Variants in ASXL3 observed in about 807,000 individuals in gnomAD.
ASXL3 encodes putative Polycomb group protein ASXL3.
In ASXL3, 34 loss-of-function variants were observed where a neutral mutation model predicts 170.6. That is an observed-to-expected ratio of 0.20 (90% CI 0.15 to 0.27). The LOEUF (loss-of-function observed/expected upper bound fraction) is 0.27, where lower values mean the gene tolerates loss of function less well. Among genes scored for constraint, ASXL3 ranks in the 10% least tolerant of loss-of-function variants. The probability of loss-of-function intolerance (pLI) is 1.00; values close to 1 mark genes in which losing one functional copy is unlikely to be tolerated. For synonymous variants in ASXL3, 1,002 were observed against 989.1 expected, an observed-to-expected ratio of 1.01 and a Z score of -0.24; for missense variants, 2,592 against 2,695.3, an observed-to-expected ratio of 0.96 and a Z score of 0.85.
intron 5 of ASXL3, among the ~76,000 whole-genome samples, chr18:33,662,004 T>C (rs2145233982): frequency 6.6e-6 from 1 of 152,292 alleles, no homozygotes; most frequent in African/African-American, 2.4e-5. Context: ...TTTGTGTGTC[T>C]ATTTATGATT....
chr18:33,648,208 A>AAAGATACG (rs1232925749), intron 4 of ASXL3, among the ~76,000 whole-genome samples: 1 of 152,136 alleles, frequency 6.6e-6, no homozygotes, highest in Non-Finnish European at 1.5e-5. Flanking sequence ...TAACTACGAA[A>AAAGATACG]AAGATACGAG....
rs1347276724 is a variant in ASXL3 at position 33,748,407 on chromosome 18, C to CT, written c.*1815dup. On this transcript the variant is annotated 3_prime_UTR_variant, in exon 12 of 12. Transcript: ENST00000269197. The stretch of plus-strand genomic sequence containing the variant: ...AACAAATTGCTGATAGTGAGAGGTA[C>CT]TTTACTTTATCTTAGAAAGAAAGAA... 2 of 151,928 alleles carry CT rather than the reference C, an allele frequency of 1.3e-5. No individual in the cohort carries two copies. Among genetic ancestry groups the CT allele is most frequent in the African/African-American group, 4.8e-5 (2 of 41,394 alleles). 9.4% of individuals were successfully genotyped at this position (151,928 alleles called of 1,614,324 possible).
At chr18:33,737,696 T>A (rs1379029597) in intron 10 of ASXL3, among the ~76,000 whole-genome samples, 1 of 152,148 alleles carries the variant, frequency 6.6e-6, no homozygotes, top group Non-Finnish European at 1.5e-5. Context: ...CCAAATATGT[T>A]CTGTTATTCT....
chr18:33,733,099 T>G lies in ASXL3; in HGVS notation c.976+1035T>G, dbSNP rs372013857. On this transcript the variant is annotated intron_variant, in intron 9 of 11. Coordinates refer to ENST00000269197, the MANE Select transcript of ASXL3 (RefSeq NM_030632.3). ...TCCATCTGATGCCTCCAGCATTTTATTTTCTAATCATAGTATTCCCTAAGC... is the reference window on the plus strand; with the variant it reads ...TCCATCTGATGCCTCCAGCATTTTAGTTTCTAATCATAGTATTCCCTAAGC... 3.3e-5 allele frequency among the ~76,000 whole-genome samples: 5 copies of G among 152,278 alleles called. No individual in the cohort carries two copies. The East Asian group carries it at 9.7e-4, about 29-fold the overall frequency.
intron 8 of ASXL3, among the ~76,000 whole-genome samples, chr18:33,686,583 C>A (rs1390365843): frequency 6.6e-6 from 1 of 152,164 alleles, no homozygotes; most frequent in Admixed American, 6.5e-5. Context: ...AAAGGAAAGG[C>A]ATGCCATTTA....
chr18:33,626,400 G>A (rs1231358543), intron 2 of ASXL3, among the ~76,000 whole-genome samples: 1 of 152,102 alleles, frequency 6.6e-6, no homozygotes, highest in African/African-American at 2.4e-5. Flanking sequence ...ATGCTGTCAA[G>A]GTGATGGTAG....
At chr18:33,704,941 T>C (rs1277951770) in intron 8 of ASXL3, among the ~76,000 whole-genome samples, 1 of 151,932 alleles carries the variant, frequency 6.6e-6, no homozygotes, top group Non-Finnish European at 1.5e-5. Flanking sequence ...CTTTCTGTCA[T>C]CTGTGTTCTT....
At chr18:33,670,559 T>A (rs565412355) in intron 5 of ASXL3, 114 bp from the exon 6 acceptor site, 2 of 661,772 alleles carry the variant, frequency 3.0e-6, no homozygotes, top group Non-Finnish European at 2.4e-6. Context: ...CTCTGTGGAA[T>A]TTAAGTCTCT....
At position 33,733,702 on chromosome 18, in the gene ASXL3, T is replaced by C. The variant is rs1266265953; in HGVS notation, c.977-608T>C. Among the ~76,000 whole-genome samples, 4 of 152,196 alleles carry C rather than the reference T, an allele frequency of 2.6e-5. No individual in the cohort carries two copies. In the East Asian group the frequency reaches 7.7e-4, roughly 29 times the overall value. On this transcript the variant is annotated intron_variant, in intron 9 of 11. Coordinates refer to ENST00000269197, the MANE Select transcript of ASXL3 (RefSeq NM_030632.3). ...CTATTGGGTAATTGGCCTCAGCTTT[T>C]ATTTCCCATTTTATTTCTTGCTGTT...
chr18:33,734,137 A>AGCTTTAGCATTCTTCTAAAGCATT (rs1362809245), intron 9 of ASXL3, among the ~76,000 whole-genome samples, 173 bp from the exon 10 acceptor site: 1 of 52,050 alleles, frequency 1.9e-5, no homozygotes, highest in African/African-American at 9.9e-5. Flanking sequence ...TAGCATTTTT[A>AGCTTTAGCATTCTTCTAAAGCATT]TGAACATCTT....
Position 33,739,592 on chromosome 18 carries a change from T to G in ASXL3, c.2188T>G (p.Ser730Ala), listed in dbSNP as rs1483632483. 2 of 1,614,032 alleles carry G rather than the reference T, an allele frequency of 1.2e-6. No homozygotes were observed. Among genetic ancestry groups the G allele is most frequent in the South Asian group, 2.2e-5 (2 of 91,086 alleles). The part of the protein sequence containing the change: ...SDLPLTSETS[S>A]VSSMLLTSET... ...CTTACCTTTAACATCAGAAACTTCT[T>G]CAGTGTCTTCCATGCTTCTCACCTC... is the stretch of plus-strand genomic sequence containing the variant. The change falls in exon 11 of 12, where the codon TCA becomes GCA. Residue 730 changes from serine to alanine, a missense_variant. Transcript: ENST00000269197.
chr18:33,634,045 A>G (rs2065728661), intron 2 of ASXL3, among the ~76,000 whole-genome samples: 1 of 152,202 alleles, frequency 6.6e-6, no homozygotes, highest in African/African-American at 2.4e-5. Context: ...CATGGTTGAC[A>G]TTTAATAGTT....
chr18:33,583,175 TA>T (rs2065007384), intron 1 of ASXL3, among the ~76,000 whole-genome samples: 1 of 152,178 alleles, frequency 6.6e-6, no homozygotes, highest in African/African-American at 2.4e-5. Flanking sequence ...AGCATGGTGA[TA>T]GGGGAGGGCG....
At chr18:33,662,746 C>G (rs2066194587) in intron 5 of ASXL3, among the ~76,000 whole-genome samples, 1 of 152,102 alleles carries the variant, frequency 6.6e-6, no homozygotes, top group Non-Finnish European at 1.5e-5. Flanking sequence ...CATTGATGAC[C>G]TTTACCAGAT....
chr18:33,592,574 C>A (rs2065086765), intron 1 of ASXL3, among the ~76,000 whole-genome samples: 1 of 152,092 alleles, frequency 6.6e-6, no homozygotes, highest in Admixed American at 6.5e-5. Context: ...TAAGTTGGTT[C>A]TTGTCTGGAA....
intron 8 of ASXL3, among the ~76,000 whole-genome samples, chr18:33,726,086 C>G (rs982329376): frequency 6.6e-6 from 1 of 152,140 alleles, no homozygotes; most frequent in East Asian, 1.9e-4. Flanking sequence ...AGCATCTCAA[C>G]CTGATGTAGT....
At chr18:33,650,636 A>G (rs548531388) in intron 4 of ASXL3, among the ~76,000 whole-genome samples, 1 of 152,290 alleles carries the variant, frequency 6.6e-6, no homozygotes, top group Non-Finnish European at 1.5e-5. Flanking sequence ...CAAAACAGGG[A>G]TAAGCAAACT....
chr18:33,582,292 C>T (rs550756142), intron 1 of ASXL3, among the ~76,000 whole-genome samples: 2 of 152,252 alleles, frequency 1.3e-5, no homozygotes, highest in East Asian at 3.9e-4. Flanking sequence ...CATTGTGAAA[C>T]GATCTTCATG....
chr18:33,650,168 T>C (rs2065975246), intron 4 of ASXL3, among the ~76,000 whole-genome samples: 1 of 152,150 alleles, frequency 6.6e-6, no homozygotes, highest in Non-Finnish European at 1.5e-5. Context: ...ATAGTAGAAC[T>C]AACATTGACA....
Sources: gnomAD v4.1 joint callset for allele counts (sites outside exome capture counted in the v4.1 genomes callset) on GRCh38, gnomAD v4.1.1 for gene constraint, MANE v1.5 for transcripts, NCBI Gene and HGNC (gene_info 2026-07-23, HGNC 2026-07-21) for gene names.